Variants in KIRREL3 observed in about 807,000 individuals in gnomAD.
The protein encoded by KIRREL3 is kin of IRRE-like protein 3.
Under a neutral mutation model 89.7 loss-of-function variants are expected in KIRREL3, and 36 were observed. The observed-to-expected ratio is 0.40, with a 90% CI of 0.31 to 0.53. The LOEUF is 0.53. KIRREL3 is among the 20% of genes least tolerant of loss of function. KIRREL3 has a pLI of 0.49. For synonymous variants in KIRREL3, 445 were observed against 441.4 expected (o/e 1.01, Z -0.10); for missense variants, 864 against 1,056.6 (o/e 0.82, Z 2.53).
chr11:126,712,795 G>A (rs1947814488), intron 1 of KIRREL3, among the ~76,000 whole-genome samples: 1 of 152,164 alleles, frequency 6.6e-6, no homozygotes, highest in East Asian at 1.9e-4. Flanking sequence ...TGTCATCCTC[G>A]TTCCTCCTAC....
chr11:126,793,571 C>G (rs1950711908), intron 1 of KIRREL3, among the ~76,000 whole-genome samples: 1 of 152,174 alleles, frequency 6.6e-6, no homozygotes, highest in South Asian at 2.1e-4. Flanking sequence ...GGGTGGACAA[C>G]TCAGGTCACT....
At chr11:126,458,971 G>A (rs568035500) in intron 6 of KIRREL3, among the ~76,000 whole-genome samples, 8 of 152,262 alleles carry the variant, frequency 5.3e-5, no homozygotes, top group East Asian at 1.9e-4. Context: ...CTGGGCGTCC[G>A]TGGGACCCTA....
At position 126,795,995 on chromosome 11, in the gene KIRREL3, T is replaced by G. The variant is rs1346114453; in HGVS notation, c.55+204460A>C. Reference sequence around the variant, plus strand: ...TGAGCTAGTACCTTGTCTGCTTATGTTGCCATTCATACAGCCAGTAATAAG... The same window carrying G: ...TGAGCTAGTACCTTGTCTGCTTATGGTGCCATTCATACAGCCAGTAATAAG... On this transcript the variant is annotated intron_variant, in intron 1 of 16. Transcript: ENST00000525144. The surrounding 1 kb of genome is among the most constrained non-coding windows in gnomAD (Gnocchi z 4.1). 6.6e-6 allele frequency among the ~76,000 whole-genome samples: 1 copy of G among 152,214 alleles called. No individual in the cohort carries two copies. Among genetic ancestry groups the G allele is most frequent in the African/African-American group, 2.4e-5 (1 of 41,462 alleles).
At chr11:126,675,175 A>G (rs1346803768) in intron 1 of KIRREL3, among the ~76,000 whole-genome samples, 1 of 152,214 alleles carries the variant, frequency 6.6e-6, no homozygotes, top group East Asian at 1.9e-4. Context: ...CCATCCTGGC[A>G]TTGGAGCCTT....
rs749900334 is a variant in KIRREL3 at position 126,978,616 on chromosome 11, G to A, written c.55+21839C>T. Among the ~76,000 whole-genome samples the A allele has an allele frequency of 3.3e-5, 5 of 152,016 alleles. No individual in the cohort carries two copies. The highest frequency in any genetic ancestry group is 6.6e-5 in the Admixed American group (1 of 15,258). ...CCGTGTGGGTCCCTGAGTGGTCTACGTTCTCCCATGCTTCCCAGGCTTTAG... is the reference window on the plus strand; with the variant it reads ...CCGTGTGGGTCCCTGAGTGGTCTACATTCTCCCATGCTTCCCAGGCTTTAG... On this transcript the variant is annotated intron_variant, in intron 1 of 16. Transcript: ENST00000525144. The surrounding 1 kb of genome is among the most constrained non-coding windows in gnomAD (Gnocchi z 4.2).
Position 126,435,347 on chromosome 11 carries a change from G to C in KIRREL3, c.1553-44C>G, listed in dbSNP as rs755757409. 8.7e-6 allele frequency: 14 copies of C among 1,604,374 alleles called. No individual in the cohort carries two copies. The African/African-American group carries it at 1.6e-4, about 18-fold the overall frequency. Reference sequence around the variant, plus strand: ...AGCGTCTACAGCCAGGGCCTGGCTGGCCAGGGTGGGGTGGGACTGGGAATT... The same window carrying C: ...AGCGTCTACAGCCAGGGCCTGGCTGCCCAGGGTGGGGTGGGACTGGGAATT... On this transcript the variant is annotated intron_variant, in intron 12 of 16. Coordinates refer to ENST00000525144, the MANE Select transcript of KIRREL3 (RefSeq NM_032531.4).
At position 126,674,112 on chromosome 11, in the gene KIRREL3, G is replaced by T. The variant is rs188662946; in HGVS notation, c.56-111200C>A. 2.0e-5 allele frequency among the ~76,000 whole-genome samples: 3 copies of T among 152,306 alleles called. No homozygotes were observed. The East Asian group carries it at 5.8e-4, about 29-fold the overall frequency. On this transcript the variant is annotated intron_variant, in intron 1 of 16. Coordinates refer to ENST00000525144, the MANE Select transcript of KIRREL3 (RefSeq NM_032531.4). ...CATCTTCAATGCTCCTAGAATCTCC[G>T]TTGGAAACCATTTGGCTCTGCTGGA... is the stretch of plus-strand genomic sequence containing the variant.
At position 126,456,801 on chromosome 11, in the gene KIRREL3, C is replaced by T. The variant is rs534621113; in HGVS notation, c.743-347G>A. On this transcript the variant is annotated intron_variant, in intron 6 of 16. Transcript: ENST00000525144. ...AAGAGGGGTGCAGGGCAGAGAGGGG[C>T]GCGTGGACACTCAGTCTCGCTTCAG... is the stretch of plus-strand genomic sequence containing the variant. 5.3e-5 allele frequency among the ~76,000 whole-genome samples: 8 copies of T among 152,222 alleles called. 1 individual carries two copies. The highest frequency in any genetic ancestry group is 1.9e-4 in the East Asian group (1 of 5,180).
intron 1 of KIRREL3, among the ~76,000 whole-genome samples, chr11:126,875,777 A>G (rs1223337347): frequency 9.9e-5 from 15 of 152,240 alleles, no homozygotes; most frequent in Non-Finnish European, 2.2e-4. Flanking sequence ...ATTTGTCTTC[A>G]TAATATGTAC....
In KIRREL3 at chr11:126,769,643, A is replaced by T. The variant is rs1949957689; in HGVS notation, c.56-206731T>A. On this transcript the variant is annotated intron_variant, in intron 1 of 16. Transcript: ENST00000525144. The surrounding 1 kb of genome is among the most constrained non-coding windows in gnomAD (Gnocchi z 4.3). ...TCATTTAGCAACTTTTAATTAAATGATTTCTGAATATCCTGCACAATGCTA... is the reference window on the plus strand; with the variant it reads ...TCATTTAGCAACTTTTAATTAAATGTTTTCTGAATATCCTGCACAATGCTA... Among the ~76,000 whole-genome samples the T allele has an allele frequency of 6.6e-6, 1 of 152,190 alleles. No individual in the cohort carries two copies. Among genetic ancestry groups the T allele is most frequent in the African/African-American group, 2.4e-5 (1 of 41,434 alleles).
chr11:126,781,249 A>G (rs562986861), intron 1 of KIRREL3, among the ~76,000 whole-genome samples: 8 of 152,314 alleles, frequency 5.3e-5, no homozygotes, highest in Admixed American at 3.9e-4. Context: ...CCTCATCTCT[A>G]CAAGGGGGAG....
At chr11:126,626,810 A>G (rs1003725400) in intron 1 of KIRREL3, among the ~76,000 whole-genome samples, 3 of 152,210 alleles carry the variant, frequency 2.0e-5, no homozygotes, top group Admixed American at 6.5e-5. Flanking sequence ...CTTGGCCAAC[A>G]TGGCGAAACC....
At chr11:126,934,000 CAAAAA>C (rs60806775) in intron 1 of KIRREL3, among the ~76,000 whole-genome samples, 22 of 146,694 alleles carry the variant, frequency 1.5e-4, no homozygotes, top group Admixed American at 2.7e-4. Flanking sequence ...CTGGAAAAGA[CAAAAA>C]AAAAAAAAAA....
At chr11:126,644,910 C>T (rs1457591639) in intron 1 of KIRREL3, among the ~76,000 whole-genome samples, 4 of 152,214 alleles carry the variant, frequency 2.6e-5, no homozygotes, top group Admixed American at 2.0e-4. Flanking sequence ...TGCCTTTGAC[C>T]AGCCCTCCTG....
At position 126,955,034 on chromosome 11, in the gene KIRREL3, C is replaced by T. The variant is rs893526864; in HGVS notation, c.55+45421G>A. Among the ~76,000 whole-genome samples, 1 of 152,060 alleles carries T rather than the reference C, an allele frequency of 6.6e-6. No homozygotes were observed. Among genetic ancestry groups the T allele is most frequent in the Admixed American group, 6.5e-5 (1 of 15,270 alleles). On this transcript the variant is annotated intron_variant, in intron 1 of 16. Transcript: ENST00000525144. The surrounding 1 kb of genome is among the most constrained non-coding windows in gnomAD (Gnocchi z 4.6). The stretch of plus-strand genomic sequence containing the variant: ...GAGAGGCTGGCTGAAGCAGGAAGAA[C>T]TGACCCTCTCTCTACACTGGCCTTG...
chr11:126,616,482 T>A (rs1339818930), intron 1 of KIRREL3, among the ~76,000 whole-genome samples: 1 of 151,694 alleles, frequency 6.6e-6, no homozygotes, highest in Non-Finnish European at 1.5e-5. Context: ...TCTGGAGGGG[T>A]TAGGTGGTGG....
intron 1 of KIRREL3, among the ~76,000 whole-genome samples, chr11:126,617,065 T>C (rs181914159): frequency 3.8e-4 from 58 of 152,350 alleles, no homozygotes; most frequent in African/African-American, 1.4e-3. Flanking sequence ...GCAGGCAGGT[T>C]GGAGGTTGGG....
intron 1 of KIRREL3, among the ~76,000 whole-genome samples, chr11:126,745,933 T>C (rs769812461): frequency 3.9e-5 from 6 of 152,202 alleles, no homozygotes; most frequent in Non-Finnish European, 8.8e-5. Context: ...GTGGTTACTA[T>C]GACTAGCTGG....
rs1039410261 is a variant in KIRREL3 at position 126,641,915 on chromosome 11, C to T, written c.56-79003G>A. 3.3e-5 allele frequency among the ~76,000 whole-genome samples: 5 copies of T among 152,188 alleles called. No homozygotes were observed. The highest frequency in any genetic ancestry group is 7.2e-5 in the African/African-American group (3 of 41,432). On this transcript the variant is annotated intron_variant, in intron 1 of 16. Transcript: ENST00000525144. The surrounding 1 kb of genome is among the most constrained non-coding windows in gnomAD (Gnocchi z 5.0). The stretch of plus-strand genomic sequence containing the variant: ...CTTCCACTCTTTCTCAGGTCAGGAA[C>T]GTGTCAATTCTGCAACTTCAAGTGG...
Sources: gnomAD v4.1 joint callset for allele counts (sites outside exome capture counted in the v4.1 genomes callset) on GRCh38, gnomAD v4.1.1 for gene constraint, Gnocchi (gnomAD v3.1) non-coding constraint, MANE v1.5 for transcripts, NCBI Gene and HGNC (gene_info 2026-07-23, HGNC 2026-07-21) for gene names.